The following TMPRSS9 variants were observed in gnomAD, a reference collection of about 807,000 sequenced individuals.
The protein encoded by TMPRSS9 is transmembrane serine protease 9, also known as transmembrane protease serine 9.
A neutral mutation model predicts 111.4 loss-of-function variants in TMPRSS9; 113 were observed. The observed-to-expected ratio is 1.01, with a 90% CI of 0.87 to 1.19. The LOEUF is 1.19. Ranked by LOEUF, TMPRSS9 falls within the 50% of genes most tolerant of loss-of-function variation. TMPRSS9 has a pLI of 0.00. For missense variants in TMPRSS9, 1,803 were observed against 1,513.1 expected (o/e 1.19, Z -3.18); for synonymous variants, 805 against 659.1 (o/e 1.22, Z -3.39).
chr19:2,384,482 C>A (rs1970430943), intron 1 of TMPRSS9, among the ~76,000 whole-genome samples: 1 of 151,612 alleles, frequency 6.6e-6, no homozygotes, highest in South Asian at 2.1e-4. Context: ...TCGAGACCAG[C>A]CAACATGGCG....
intron 12 of TMPRSS9, among the ~76,000 whole-genome samples, chr19:2,417,414 TGAGATTGTG>T: frequency 6.8e-6 from 1 of 147,872 alleles, no homozygotes; most frequent in Non-Finnish European, 1.5e-5. Context: ...TGCAGTGAGC[TGAGATTGTG>T]CCACTGCACT....
chr19:2,405,691 G>T, intron 7 of TMPRSS9, 146 bp downstream of exon 8: 2 of 740,378 alleles, frequency 2.7e-6, no homozygotes, highest in Non-Finnish European at 3.9e-6. Context: ...TGCTGTTGTT[G>T]AATCTGAGGG....
exon 16 of TMPRSS9, chr19:2,425,032 C>T: frequency 1.9e-6 from 3 of 1,549,314 alleles, no homozygotes; most frequent in Non-Finnish European, 2.6e-6. Flanking sequence ...GGGCGGCCTT[C>T]CTAGGCACGC....
In TMPRSS9 at chr19:2,413,733, C is replaced by A. The variant is rs1457094658; in HGVS notation, c.1288C>A (p.Pro430Thr). 7 of 1,612,738 alleles carry A rather than the reference C, an allele frequency of 4.3e-6. 1 individual carries two copies. In the African/African-American group the frequency reaches 9.3e-5, roughly 22 times the overall value. ...AGGAGGACCCCTGGTCTGCGAGGAG[C>A]CCTCTGGCCGGTTCTTTCTGGCTGG... Residue 430 changes from proline (P) to threonine (T), a missense_variant, in exon 10 of 18, where the codon CCC becomes ACC. Pro to Thr is a conservative substitution (Grantham distance 38). Coordinates refer to ENST00000648592, the Ensembl canonical transcript of TMPRSS9.
intron 8 of TMPRSS9, among the ~76,000 whole-genome samples, chr19:2,408,990 AAAT>A (rs71178274): frequency 0.041 from 5,096 of 124,944 alleles, 117 homozygotes; most frequent in Middle Eastern, 0.05. Flanking sequence ...CTCCATCTCA[AAAT>A]AATAATAATA....
At chr19:2,403,360 CAT>C (rs1410403395) in intron 6 of TMPRSS9, among the ~76,000 whole-genome samples, 165 bp downstream of exon 7, 1 of 152,038 alleles carries the variant, frequency 6.6e-6, no homozygotes, top group Non-Finnish European at 1.5e-5. Flanking sequence ...TGGGGAGAAA[CAT>C]GAGCAAACAG....
intron 1 of TMPRSS9, among the ~76,000 whole-genome samples, chr19:2,361,925 T>G: frequency 6.6e-6 from 1 of 152,188 alleles, no homozygotes; most frequent in East Asian, 1.9e-4. Flanking sequence ...CCTGACGCCT[T>G]CCTGGGGGCC....
rs765922232 is a variant in TMPRSS9, at chr19:2,402,050, C to T, written c.556+34C>T. 6.9e-6 allele frequency: 11 copies of T among 1,598,626 alleles called. No individual in the cohort carries two copies. In the African/African-American group the frequency reaches 1.2e-4, roughly 18 times the overall value. On this transcript the variant is annotated intron_variant, in intron 5 of 17. Transcript: ENST00000648592. ...TTCTCTCTGGCCTTTTCTCTGATTG[C>T]AGTTACTGACAGAGGTTTCCTAAGA...
At chr19:2,410,542 A>G in intron 9 of TMPRSS9, 148 bp downstream of exon 10, 1 of 1,158,152 alleles carries the variant, frequency 8.6e-7, no homozygotes, top group East Asian at 2.6e-5. Flanking sequence ...GCGTGTTCAA[A>G]TGCTGGGCGA....
chr19:2,394,129 G>A (rs976677084), intron 1 of TMPRSS9, among the ~76,000 whole-genome samples: 187 of 152,230 alleles, frequency 1.2e-3, no homozygotes, highest in African/African-American at 4.2e-3. Context: ...CTTGGACCCA[G>A]GAGGCAGAGG....
exon 2 of TMPRSS9, chr19:2,396,631 T>G (rs1174314918): frequency 3.1e-6 from 5 of 1,605,644 alleles, no homozygotes; most frequent in Non-Finnish European, 4.2e-6. Context: ...GACCTCGGAC[T>G]ATCACCGCAC....
chr19:2,403,757 G>T (rs1286254795), intron 6 of TMPRSS9, among the ~76,000 whole-genome samples: 1 of 151,980 alleles, frequency 6.6e-6, no homozygotes, highest in East Asian at 1.9e-4. Context: ...ACTTTGGGAG[G>T]CTGAGGCAGG....
intron 14 of TMPRSS9, 95 bp downstream of exon 15, chr19:2,422,342 G>T: frequency 7.2e-7 from 1 of 1,397,278 alleles, no homozygotes; most frequent in Non-Finnish European, 9.4e-7. Context: ...CACTTTGGGA[G>T]GCCGAGGCGG....
At chr19:2,369,854 G>C (rs1970275026) in intron 1 of TMPRSS9, among the ~76,000 whole-genome samples, 1 of 152,008 alleles carries the variant, frequency 6.6e-6, no homozygotes. Context: ...TGGATCCTCT[G>C]CTCAGGGTCT....
intron 10 of TMPRSS9, 162 bp downstream of exon 11, chr19:2,414,180 G>A: frequency 2.9e-6 from 2 of 695,618 alleles, no homozygotes; most frequent in Non-Finnish European, 2.3e-6. Flanking sequence ...TACCCTCATG[G>A]TATCTTTCTG....
chr19:2,414,399 C>G (rs1406249285), intron 10 of TMPRSS9, among the ~76,000 whole-genome samples: 1 of 151,974 alleles, frequency 6.6e-6, no homozygotes, highest in African/African-American at 2.4e-5. Flanking sequence ...GCCACCACAC[C>G]CGGCTAATTT....
chr19:2,384,199 C>T (rs1183588164), intron 1 of TMPRSS9, among the ~76,000 whole-genome samples: 1 of 152,176 alleles, frequency 6.6e-6, no homozygotes, highest in Admixed American at 6.6e-5. Flanking sequence ...ATGAATCATT[C>T]TCCGCCCACG....
intron 1 of TMPRSS9, among the ~76,000 whole-genome samples, chr19:2,380,030 G>T (rs1438882150): frequency 1.3e-5 from 2 of 152,042 alleles, no homozygotes; most frequent in Admixed American, 6.6e-5. Flanking sequence ...GGGATTACAG[G>T]CATGAGCCAC....
Position 2,402,035 on chromosome 19 carries a change from C to T in TMPRSS9, c.556+19C>T. The T allele has an allele frequency of 3.7e-6, 6 of 1,608,274 alleles. No individual in the cohort carries two copies. The highest frequency in any genetic ancestry group is 1.1e-5 in the South Asian group (1 of 90,928). ...AAATCAGGTATGTTTTTCTCTCTGG[C>T]CTTTTCTCTGATTGCAGTTACTGAC... is the stretch of plus-strand genomic sequence containing the variant. On this transcript the variant is annotated intron_variant, in intron 5 of 17. Transcript: ENST00000648592.
Sources: allele counts gnomAD v4.1 joint callset (sites outside exome capture counted in the v4.1 genomes callset), GRCh38; gene constraint gnomAD v4.1.1; transcripts MANE v1.5; gene names NCBI Gene and HGNC (gene_info 2026-07-23, HGNC 2026-07-21).